The following RBFOX1 variants were observed in gnomAD, a reference collection of about 807,000 sequenced individuals.
RBFOX1 encodes RNA binding fox-1 homolog 1, also known as RNA binding protein fox-1 homolog 1.
RBFOX1 carries 8 observed loss-of-function variants against 57.7 expected under a neutral mutation model. The ratio of observed to expected loss-of-function variants is 0.14; its 90% confidence interval spans 0.08 to 0.25. RBFOX1 has a LOEUF of 0.25. Ranked by LOEUF, RBFOX1 falls within the 10% of genes least tolerant of loss-of-function variation. RBFOX1 has a pLI of 1.00. For missense variants in RBFOX1, 611 were observed against 548.5 expected (o/e 1.11, Z -1.14); for synonymous variants, 326 against 222.4 (o/e 1.47, Z -4.15).
At position 6,866,462 on chromosome 16, in the gene RBFOX1, A is replaced by G. The variant is rs968133677; in HGVS notation, c.-15-185595A>G. Among the ~76,000 whole-genome samples, 4 of 151,864 alleles carry G rather than the reference A, an allele frequency of 2.6e-5. No individual in the cohort carries two copies. In the Middle Eastern group the frequency reaches 0.01, roughly 393 times the overall value. On this transcript the variant is annotated intron_variant, in intron 3 of 15. Coordinates refer to ENST00000550418, the MANE Select transcript of RBFOX1 (RefSeq NM_018723.4). ...CATCTGCATCTTCATGTTAAGCAAA[A>G]AATATATAATGCAAAAAGTGTGTTT...
At chr16:7,218,257 A>G (rs181050829) in intron 4 of RBFOX1, among the ~76,000 whole-genome samples, 67 of 152,192 alleles carry the variant, frequency 4.4e-4, no homozygotes, top group Non-Finnish European at 8.5e-4. Flanking sequence ...GAAAATCACT[A>G]TTCTCTACCT....
chr16:6,740,994 G>A (rs571306583), intron 3 of RBFOX1, among the ~76,000 whole-genome samples: 3 of 152,112 alleles, frequency 2.0e-5, no homozygotes, highest in East Asian at 1.9e-4. Flanking sequence ...AGTCATCATC[G>A]CTATGTGGTA....
At chr16:6,423,578 GGGTGACAGACTGA>G (rs2093835717) in intron 2 of RBFOX1, among the ~76,000 whole-genome samples, 1 of 152,118 alleles carries the variant, frequency 6.6e-6, no homozygotes, top group African/African-American at 2.4e-5. Flanking sequence ...CAGCCTGGCT[GGGTGACAGACTGA>G]GACTCTGTCT....
intron 4 of RBFOX1, among the ~76,000 whole-genome samples, chr16:7,506,594 A>C (rs5012443): frequency 0.12 from 17,537 of 151,424 alleles, 1,051 homozygotes; most frequent in East Asian, 0.17. Flanking sequence ...CATCATCATC[A>C]TCATCATCAT....
At chr16:5,410,664 C>T (rs1489396081) in intron 1 of RBFOX1, among the ~76,000 whole-genome samples, 1 of 152,204 alleles carries the variant, frequency 6.6e-6, no homozygotes, top group Non-Finnish European at 1.5e-5. Context: ...ATTCTAAGCT[C>T]CGTGTTCCTG....
chr16:5,297,564 C>A (rs994799613), intron 1 of RBFOX1, among the ~76,000 whole-genome samples: 2 of 152,056 alleles, frequency 1.3e-5, no homozygotes, highest in Non-Finnish European at 2.9e-5. Context: ...CTACTTAGAT[C>A]TTTTGCTCAT....
chr16:7,199,984 C>G (rs1011547223), intron 4 of RBFOX1, among the ~76,000 whole-genome samples: 1 of 152,202 alleles, frequency 6.6e-6, no homozygotes, highest in Admixed American at 6.5e-5. Context: ...TTTGTAATCT[C>G]ATTCTTGAAT....
chr16:6,466,208 C>T (rs764793874), intron 2 of RBFOX1, among the ~76,000 whole-genome samples: 7 of 144,106 alleles, frequency 4.9e-5, no homozygotes, highest in Admixed American at 4.3e-4. Context: ...CCAGCCTGGG[C>T]GACAGATTAA....
rs530848625 is a variant in RBFOX1 at position 6,695,015 on chromosome 16, C to T, written c.-16+40365C>T. ...AAATGACACATAGACATTCTAAAAG[C>T]TGCATTTCATATTAAATCAGCCAGG... On this transcript the variant is annotated intron_variant, in intron 3 of 15. Coordinates refer to ENST00000550418, the MANE Select transcript of RBFOX1 (RefSeq NM_018723.4). Among the ~76,000 whole-genome samples, 42 of 152,206 alleles carry T rather than the reference C, an allele frequency of 2.8e-4. No individual in the cohort carries two copies. The South Asian group carries it at 8.3e-3, about 30-fold the overall frequency.
chr16:7,153,923 T>TA (rs202091002), intron 4 of RBFOX1, among the ~76,000 whole-genome samples: 8,455 of 151,892 alleles, frequency 0.056, 302 homozygotes, highest in Middle Eastern at 0.082. Flanking sequence ...AACCTGGTTT[T>TA]AAAAAAAACC....
chr16:6,591,573 A>T (rs2097711337), intron 2 of RBFOX1, among the ~76,000 whole-genome samples: 1 of 152,204 alleles, frequency 6.6e-6, no homozygotes, highest in Non-Finnish European at 1.5e-5. Flanking sequence ...GAGACCATTT[A>T]TGCACTGGGA....
intron 2 of RBFOX1, among the ~76,000 whole-genome samples, chr16:5,594,526 T>A (rs973561798): frequency 6.6e-6 from 1 of 152,210 alleles, no homozygotes; most frequent in African/African-American, 2.4e-5. Context: ...AACATTGGTT[T>A]CTTCATCTGG....
intron 3 of RBFOX1, among the ~76,000 whole-genome samples, chr16:5,860,975 C>G (rs1287852269): frequency 6.6e-6 from 1 of 152,118 alleles, no homozygotes; most frequent in Admixed American, 6.5e-5. Flanking sequence ...TAGGTGAGGA[C>G]CTGAGTTTCC....
At chr16:6,141,143 T>C (rs1382466803) in intron 1 of RBFOX1, among the ~76,000 whole-genome samples, 1 of 152,142 alleles carries the variant, frequency 6.6e-6, no homozygotes, top group Non-Finnish European at 1.5e-5. Context: ...AACTTGACCC[T>C]CCTTTGTCTT....
chr16:6,972,608 G>A (rs182023884), intron 3 of RBFOX1, among the ~76,000 whole-genome samples: 1 of 152,068 alleles, frequency 6.6e-6, no homozygotes, highest in Non-Finnish European at 1.5e-5. Flanking sequence ...GAGAAGTGGA[G>A]ACATTGATGA....
chr16:6,286,928 C>A (rs1281761508), intron 1 of RBFOX1, among the ~76,000 whole-genome samples: 1 of 152,112 alleles, frequency 6.6e-6, no homozygotes, highest in Non-Finnish European at 1.5e-5. Context: ...TGCTCAGCAA[C>A]TATATAGTGG....
At chr16:7,502,204 A>G (rs1036884945) in intron 4 of RBFOX1, among the ~76,000 whole-genome samples, 1 of 152,192 alleles carries the variant, frequency 6.6e-6, no homozygotes, top group Non-Finnish European at 1.5e-5. Context: ...CAGATTAGAC[A>G]TCTTTCTACA....
chr16:6,348,738 A>G (rs988030594), intron 2 of RBFOX1, among the ~76,000 whole-genome samples: 2 of 152,110 alleles, frequency 1.3e-5, no homozygotes, highest in African/African-American at 4.8e-5. Context: ...CTCTCAGGAG[A>G]CAGCACCAAG....
chr16:7,547,533 A>G (rs2152519392), intron 5 of RBFOX1, among the ~76,000 whole-genome samples: 1 of 152,326 alleles, frequency 6.6e-6, no homozygotes, highest in South Asian at 2.1e-4. Flanking sequence ...AACATACTTT[A>G]TTGAAGAAAA....
Sources: allele counts gnomAD v4.1 joint callset (sites outside exome capture counted in the v4.1 genomes callset), GRCh38; gene constraint gnomAD v4.1.1; transcripts MANE v1.5; gene names NCBI Gene and HGNC (gene_info 2026-07-23, HGNC 2026-07-21).